Variants in PCDHA8 observed in about 807,000 individuals in gnomAD.
PCDHA8 encodes protocadherin alpha-8.
In PCDHA8, 53 loss-of-function variants were observed where a neutral mutation model predicts 61.8. The observed-to-expected ratio is 0.86, with a 90% CI of 0.69 to 1.08. The LOEUF (loss-of-function observed/expected upper bound fraction) is 1.08. Ranked by LOEUF, PCDHA8 falls within the 50% of genes least tolerant of loss-of-function variation. The pLI is 0.00. For synonymous variants in PCDHA8, 618 were observed against 556.6 expected (o/e 1.11, Z -1.55); for missense variants, 1,293 against 1,245.0 (o/e 1.04, Z -0.58).
In PCDHA8 at chr5:140,982,560, C is replaced by G. The variant is rs782437404; in HGVS notation, c.2539C>G (p.Pro847Ala). The G allele has an allele frequency of 5.6e-6, 9 of 1,614,098 alleles. No homozygotes were observed. Among genetic ancestry groups the G allele is most frequent in the South Asian group, 4.4e-5 (4 of 91,078 alleles). ...QQWPTVSSAT[P>A]EPEAGEVSPP... ...GTGGCCAACAGTATCCAGTGCAACA[C>G]CAGGTAAAGAGCTGGGGTCTCTCCA... Residue 847 changes from proline to alanine, a missense_variant, in exon 3 of 4, where the codon CCA (proline) becomes GCA (alanine). Physicochemically the swap from Pro to Ala is conservative, Grantham distance 27. Coordinates refer to ENST00000531613, the MANE Select transcript of PCDHA8 (RefSeq NM_018911.3).
intron 3 of PCDHA8, among the ~76,000 whole-genome samples, chr5:140,990,165 G>A (rs2097378132): frequency 6.6e-6 from 1 of 152,126 alleles, no homozygotes; most frequent in African/African-American, 2.4e-5. Flanking sequence ...GTTAGGGTAT[G>A]AAAAGGTGAC....
intron 1 of PCDHA8, chr5:140,883,869 A>G: frequency 6.2e-7 from 1 of 1,613,112 alleles, no homozygotes; most frequent in South Asian, 1.1e-5. Context: ...TTGCAGTTCC[A>G]GGTGAGCGCG....
rs368758287 is a variant in PCDHA8 at position 140,883,621 on chromosome 5, C to A, written c.2394+39906C>A. On this transcript the variant is annotated intron_variant, in intron 1 of 3. Transcript: ENST00000531613. ...TGGGGGTGGCCGACGTGAACGACAACGCGCCGGCGTTCGCGCAGCCCGAGT... is the reference window on the plus strand; with the variant it reads ...TGGGGGTGGCCGACGTGAACGACAAAGCGCCGGCGTTCGCGCAGCCCGAGT... 5 of 1,613,850 alleles carry A rather than the reference C, an allele frequency of 3.1e-6. No individual in the cohort carries two copies. In the African/African-American group the frequency reaches 4.0e-5, roughly 13 times the overall value.
In PCDHA8 at chr5:140,848,792, C is replaced by T; in HGVS notation, c.2394+5077C>T. 3.8e-6 allele frequency: 6 copies of T among 1,592,840 alleles called. 1 individual carries two copies. Among genetic ancestry groups the T allele is most frequent in the Non-Finnish European group, 5.2e-6 (6 of 1,163,812 alleles). On this transcript the variant is annotated intron_variant, in intron 1 of 3. Coordinates refer to ENST00000531613, the MANE Select transcript of PCDHA8 (RefSeq NM_018911.3). ...ACCGCGAGGAGCTGTGCGGGCGGAG[C>T]GCGGAGTGCAGCATCCACCTGGAGG... is the stretch of plus-strand genomic sequence containing the variant.
At chr5:140,918,573 C>CT (rs1392285106) in intron 1 of PCDHA8, among the ~76,000 whole-genome samples, 1 of 152,154 alleles carries the variant, frequency 6.6e-6, no homozygotes, top group Non-Finnish European at 1.5e-5. Context: ...TATTATGCTG[C>CT]TATTGGCTAT....
chr5:140,961,222 T>C (rs1335870319), intron 1 of PCDHA8, among the ~76,000 whole-genome samples: 1 of 152,118 alleles, frequency 6.6e-6, no homozygotes, highest in East Asian at 1.9e-4. Flanking sequence ...AGAAACTGGG[T>C]CCCAAAAAGG....
At chr5:140,981,342 G>A (rs2096927846) in intron 2 of PCDHA8, among the ~76,000 whole-genome samples, 1 of 152,176 alleles carries the variant, frequency 6.6e-6, no homozygotes, top group African/African-American at 2.4e-5. Flanking sequence ...GGGAGGGTGA[G>A]GCAGGTGGAT....
At chr5:140,960,922 G>C (rs562658138) in intron 1 of PCDHA8, among the ~76,000 whole-genome samples, 1 of 152,272 alleles carries the variant, frequency 6.6e-6, no homozygotes, top group East Asian at 1.9e-4. Flanking sequence ...ATAGAAAATT[G>C]GTACTAAGTT....
chr5:140,945,850 T>G (rs1472612975), intron 1 of PCDHA8, among the ~76,000 whole-genome samples: 1 of 152,102 alleles, frequency 6.6e-6, no homozygotes, highest in Non-Finnish European at 1.5e-5. Context: ...ATTAAAGACT[T>G]AAACATAGAC....
rs1192658029 is a variant in PCDHA8 at position 141,011,915 on chromosome 5, A to G, written c.*1978A>G. On this transcript the variant is annotated 3_prime_UTR_variant, in exon 4 of 4. Coordinates refer to ENST00000531613, the MANE Select transcript of PCDHA8 (RefSeq NM_018911.3). Reference sequence around the variant, plus strand: ...ATATTATCTATTTAGGCATTAATATAAAAGAGGTAGGAGTCTGTTATTTAA... The same window carrying G: ...ATATTATCTATTTAGGCATTAATATGAAAGAGGTAGGAGTCTGTTATTTAA... 1 of 153,728 alleles carries G rather than the reference A, an allele frequency of 6.5e-6. No homozygotes were observed. Among genetic ancestry groups the G allele is most frequent in the Admixed American group, 6.5e-5 (1 of 15,286 alleles). 9.5% of individuals were successfully genotyped at this position (153,728 alleles called of 1,614,324 possible). A position where few individuals can be genotyped will look rare whatever the true frequency, so the allele number is the denominator to read the frequency against.
chr5:140,941,936 T>G (rs901567070), intron 1 of PCDHA8, among the ~76,000 whole-genome samples: 7 of 152,362 alleles, frequency 4.6e-5, no homozygotes, highest in Non-Finnish European at 7.3e-5. Flanking sequence ...ATATTTGAAT[T>G]ACTTTTGTTT....
At position 140,982,388 on chromosome 5, in the gene PCDHA8, A is replaced by G. The variant is rs868944535; in HGVS notation, c.2454-87A>G. 32 of 1,592,320 alleles carry G rather than the reference A, an allele frequency of 2.0e-5. 1 individual carries two copies. The Middle Eastern group carries it at 4.6e-3, about 226-fold the overall frequency. Reference sequence around the variant, plus strand: ...ATGTGTTAGCTGCAGCCCTGGCTTCATAGTTGTAAGCAATTTCTGAGGGTG... The same window carrying G: ...ATGTGTTAGCTGCAGCCCTGGCTTCGTAGTTGTAAGCAATTTCTGAGGGTG... On this transcript the variant is annotated intron_variant, in intron 2 of 3. Coordinates refer to ENST00000531613, the MANE Select transcript of PCDHA8 (RefSeq NM_018911.3).
intron 1 of PCDHA8, among the ~76,000 whole-genome samples, chr5:140,891,306 A>G (rs1452305510): frequency 6.6e-6 from 1 of 152,034 alleles, no homozygotes; most frequent in African/African-American, 2.4e-5. Flanking sequence ...ATTTGATTAC[A>G]TGAGTAAGTT....
At chr5:140,978,030 A>T (rs2096786422) in intron 1 of PCDHA8, among the ~76,000 whole-genome samples, 1 of 152,194 alleles carries the variant, frequency 6.6e-6, no homozygotes, top group Non-Finnish European at 1.5e-5. Flanking sequence ...GCTTACTGAT[A>T]CAAGACAGTG....
At chr5:140,943,266 AAAAAAAAAAAAG>A (rs2093453056) in intron 1 of PCDHA8, among the ~76,000 whole-genome samples, 1 of 150,226 alleles carries the variant, frequency 6.7e-6, no homozygotes, top group African/African-American at 2.5e-5. Context: ...TCAAAAAAAA[AAAAAAAAAAAAG>A]AAAGAAAGAA....
chr5:140,968,758 T>C, intron 1 of PCDHA8: 1 of 1,614,150 alleles, frequency 6.2e-7, no homozygotes, highest in South Asian at 1.1e-5. Flanking sequence ...TGGTCCGAGA[T>C]AATGGAGAGC....
At chr5:140,888,994 T>G (rs1486471421) in intron 1 of PCDHA8, among the ~76,000 whole-genome samples, 1 of 152,272 alleles carries the variant, frequency 6.6e-6, no homozygotes, top group African/African-American at 2.4e-5. Context: ...TATGATTTTC[T>G]TATGGCAAAC....
At chr5:140,912,721 A>G (rs377668484) in intron 1 of PCDHA8, among the ~76,000 whole-genome samples, 2 of 152,066 alleles carry the variant, frequency 1.3e-5, no homozygotes, top group East Asian at 1.9e-4. Flanking sequence ...TCTCCATTCA[A>G]TATGATGTTG....
At chr5:140,997,044 T>C (rs2097756836) in intron 3 of PCDHA8, among the ~76,000 whole-genome samples, 1 of 152,180 alleles carries the variant, frequency 6.6e-6, no homozygotes, top group South Asian at 2.1e-4. Flanking sequence ...TGAACTTTAC[T>C]TTTTAGAGCA....
Sources: allele counts gnomAD v4.1 joint callset (sites outside exome capture counted in the v4.1 genomes callset), GRCh38; gene constraint gnomAD v4.1.1; transcripts MANE v1.5; gene names NCBI Gene and HGNC (gene_info 2026-07-23, HGNC 2026-07-21).